SESTD1: variants seen among roughly 807,000 people sequenced by gnomAD.
The protein encoded by SESTD1 is SEC14 and spectrin domain containing 1.
SESTD1 carries 43 observed loss-of-function variants against 101.7 expected under a neutral mutation model. That is an observed-to-expected ratio of 0.42 (90% CI 0.33 to 0.55). The LOEUF is 0.55. Ranked by LOEUF, SESTD1 falls within the 20% of genes least tolerant of loss-of-function variation. The pLI is 0.07. For missense variants in SESTD1, 647 were observed against 815.1 expected, an observed-to-expected ratio of 0.79 and a Z score of 2.51; for synonymous variants, 283 against 286.8, an observed-to-expected ratio of 0.99 and a Z score of 0.13.
rs979008964 is a variant in SESTD1 at position 179,186,429 on chromosome 2, G to T, written c.56-3241C>A. Reference sequence around the variant, plus strand: ...TAAACAGTTTTGAACAGCAAAGAGTGAAAACAGAATAATGGATATTAACTC... The same window carrying T: ...TAAACAGTTTTGAACAGCAAAGAGTTAAAACAGAATAATGGATATTAACTC... On this transcript the variant is annotated intron_variant, in intron 2 of 17. Transcript: ENST00000428443. 2.0e-5 allele frequency among the ~76,000 whole-genome samples: 3 copies of T among 152,178 alleles called. 1 individual carries two copies. The South Asian group carries it at 6.2e-4, about 32-fold the overall frequency.
intron 1 of SESTD1, among the ~76,000 whole-genome samples, chr2:179,198,511 A>G (rs915061863): frequency 1.1e-4 from 17 of 152,268 alleles, no homozygotes; most frequent in South Asian, 2.1e-4. Flanking sequence ...CATTTTTTTC[A>G]GCACCACACC....
intron 1 of SESTD1, among the ~76,000 whole-genome samples, chr2:179,236,965 T>G (rs2047077605): frequency 6.6e-6 from 1 of 152,090 alleles, no homozygotes; most frequent in East Asian, 1.9e-4. Context: ...AATTACTGAT[T>G]TAAAATCAAG....
intron 13 of SESTD1, among the ~76,000 whole-genome samples, chr2:179,120,898 A>T (rs1210023552): frequency 1.3e-5 from 2 of 152,160 alleles, no homozygotes; most frequent in Non-Finnish European, 2.9e-5. Flanking sequence ...AAACAGGAGA[A>T]ATTTAAGCAT....
intron 5 of SESTD1, among the ~76,000 whole-genome samples, chr2:179,156,047 G>A (rs769199286): frequency 4.5e-4 from 68 of 152,010 alleles, no homozygotes; most frequent in Non-Finnish European, 8.7e-4. Context: ...ATTTCATGCA[G>A]GTCGCTGTGA....
At chr2:179,188,581 G>A (rs2046271398) in intron 2 of SESTD1, among the ~76,000 whole-genome samples, 1 of 152,096 alleles carries the variant, frequency 6.6e-6, no homozygotes, top group Non-Finnish European at 1.5e-5. Flanking sequence ...CAAAGCTGCA[G>A]CCAGCCTTGT....
At chr2:179,125,579 G>T (rs2044855833) in intron 10 of SESTD1, among the ~76,000 whole-genome samples, 1 of 152,162 alleles carries the variant, frequency 6.6e-6, no homozygotes, top group Admixed American at 6.5e-5. Flanking sequence ...GGCTTAGAGG[G>T]AGACACATCT....
chr2:179,201,433 A>G (rs1353152862), intron 1 of SESTD1, among the ~76,000 whole-genome samples: 1 of 130,678 alleles, frequency 7.7e-6, no homozygotes, highest in Non-Finnish European at 1.6e-5. Flanking sequence ...GTATATACCC[A>G]AAGGACTATA....
chr2:179,129,616 TAA>T lies in SESTD1; in HGVS notation c.972+2686_972+2687del, dbSNP rs374609214. Among the ~76,000 whole-genome samples, 661 of 152,354 alleles carry T rather than the reference TAA, an allele frequency of 4.3e-3. 8 individuals carry two copies. Among genetic ancestry groups the T allele is most frequent in the African/African-American group, 0.015 (628 of 41,586 alleles). ...GAGCTGGTAATGCAAGATTGTATGT[TAA>T]AAGTTTTCTCAAATTCTACCGTTAA... On this transcript the variant is annotated intron_variant, in intron 10 of 17. Coordinates refer to ENST00000428443, the MANE Select transcript of SESTD1 (RefSeq NM_178123.5).
chr2:179,244,684 G>A (rs566826634), intron 1 of SESTD1, among the ~76,000 whole-genome samples: 1 of 152,234 alleles, frequency 6.6e-6, no homozygotes, highest in African/African-American at 2.4e-5. Flanking sequence ...TTTCTAAATA[G>A]AAAGATAATG....
chr2:179,240,979 A>G (rs910332611), intron 1 of SESTD1, among the ~76,000 whole-genome samples: 3 of 152,218 alleles, frequency 2.0e-5, no homozygotes, highest in Non-Finnish European at 4.4e-5. Context: ...ACAAAAAAAA[A>G]GAAACCCTCA....
chr2:179,247,359 C>G (rs977517209), intron 1 of SESTD1, among the ~76,000 whole-genome samples: 5 of 151,956 alleles, frequency 3.3e-5, no homozygotes, highest in African/African-American at 1.2e-4. Context: ...ATAACATTTA[C>G]AAAAATCTAG....
At chr2:179,257,129 A>G (rs981368705) in intron 1 of SESTD1, among the ~76,000 whole-genome samples, 1 of 151,806 alleles carries the variant, frequency 6.6e-6, no homozygotes, top group African/African-American at 2.4e-5. Flanking sequence ...TTTTTTTTCA[A>G]TTTTATTTAA....
rs1420390988 is a variant in SESTD1 at position 179,105,658 on chromosome 2, T to C, written c.*4241A>G. On this transcript the variant is annotated 3_prime_UTR_variant, in exon 18 of 18. Coordinates refer to ENST00000428443, the MANE Select transcript of SESTD1 (RefSeq NM_178123.5). Reference sequence around the variant, plus strand: ...ATTTTTTATTCTGAAAAGATAATTATAGCAATGATACCTTCCATTCTGTTT... The same window carrying C: ...ATTTTTTATTCTGAAAAGATAATTACAGCAATGATACCTTCCATTCTGTTT... 2.6e-5 allele frequency: 4 copies of C among 152,194 alleles called. No homozygotes were observed. The highest frequency in any genetic ancestry group is 9.7e-5 in the African/African-American group (4 of 41,450). 9.4% of individuals were successfully genotyped at this position (152,194 alleles called of 1,614,324 possible).
chr2:179,225,580 C>T (rs1223272484), intron 1 of SESTD1, among the ~76,000 whole-genome samples: 1 of 152,094 alleles, frequency 6.6e-6, no homozygotes, highest in Non-Finnish European at 1.5e-5. Flanking sequence ...AAATTTACTT[C>T]TCACAATTCT....
chr2:179,218,316 G>A (rs1052245258), intron 1 of SESTD1, among the ~76,000 whole-genome samples: 1 of 151,838 alleles, frequency 6.6e-6, no homozygotes, highest in Non-Finnish European at 1.5e-5. Flanking sequence ...AACTTGTCTT[G>A]TAAAGCAGGC....
chr2:179,205,211 T>A (rs1397087525), intron 1 of SESTD1, among the ~76,000 whole-genome samples: 1 of 131,702 alleles, frequency 7.6e-6, no homozygotes, highest in Admixed American at 7.4e-5. Flanking sequence ...TTTTTTTTTT[T>A]ACTCTGTTGC....
At position 179,176,510 on chromosome 2, in the gene SESTD1, C is replaced by T. The variant is rs749190658; in HGVS notation, c.193G>A (p.Val65Met). Residue 65 changes from valine to methionine, a missense_variant, in exon 4 of 18, where the codon GTG (valine) becomes ATG (methionine). Transcript: ENST00000428443. ...TGTGATTTTCTGCCATCCACAATCA[C>T]GGTAAATCCTCTAGCCTTACACTTC... ...SEKCKARGFT[V>M]IVDGRKSQWN... is the part of the protein sequence containing the mutation. The T allele has an allele frequency of 4.3e-6, 7 of 1,613,356 alleles. No individual in the cohort carries two copies. Among genetic ancestry groups the T allele is most frequent in the South Asian group, 2.2e-5 (2 of 91,048 alleles).
rs1200769006 is a variant in SESTD1 at position 179,143,796 on chromosome 2, T to C, written c.645A>G (p.Glu215=). Reference sequence around the variant, plus strand: ...GACGCTGCTGTAATTCGGACAACAATTCATGCCCTTTACAAATAAAAGATA... The same window carrying C: ...GACGCTGCTGTAATTCGGACAACAACTCATGCCCTTTACAAATAAAAGATA... The part of the protein sequence containing the change: ...DPETVLQTGH[E]LLSELQQRRF... Residue 215 remains glutamate (E), a synonymous_variant, in exon 9 of 18, where the codon GAA becomes GAG. Coordinates refer to ENST00000428443, the MANE Select transcript of SESTD1 (RefSeq NM_178123.5). The C allele has an allele frequency of 6.2e-7, 1 of 1,612,576 alleles. No homozygotes were observed. The highest frequency in any genetic ancestry group is 8.5e-7 in the Non-Finnish European group (1 of 1,179,640).
chr2:179,136,598 T>G (rs564112250), intron 9 of SESTD1, among the ~76,000 whole-genome samples: 1 of 152,302 alleles, frequency 6.6e-6, no homozygotes, highest in East Asian at 1.9e-4. Flanking sequence ...TTAAATAATG[T>G]AATTATTTTA....
Sources: gnomAD v4.1 joint callset for allele counts (sites outside exome capture counted in the v4.1 genomes callset) on GRCh38, gnomAD v4.1.1 for gene constraint, MANE v1.5 for transcripts, NCBI Gene and HGNC (gene_info 2026-07-23, HGNC 2026-07-21) for gene names.